FOXP2: variants seen among roughly 807,000 people sequenced by gnomAD.
FOXP2 encodes forkhead box P2, also known as forkhead box protein P2.
FOXP2 carries 12 observed loss-of-function variants against 115.8 expected under a neutral mutation model. The ratio of observed to expected loss-of-function variants is 0.10; its 90% CI spans 0.07 to 0.17. The LOEUF is 0.17. Ranked by LOEUF, FOXP2 falls within the 10% of genes least tolerant of loss-of-function variation. The pLI is 1.00. For synonymous variants in FOXP2, 328 were observed against 297.7 expected (o/e 1.10, Z -1.05); for missense variants, 629 against 843.5 (o/e 0.75, Z 3.15).
chr7:114,559,205 A>G (rs991006371), intron 3 of FOXP2, among the ~76,000 whole-genome samples: 3 of 152,128 alleles, frequency 2.0e-5, no homozygotes, highest in South Asian at 2.1e-4. Flanking sequence ...CAGGAGCACT[A>G]TGCACATCTT....
intron 2 of FOXP2, among the ~76,000 whole-genome samples, chr7:114,526,195 A>AAAT (rs1554410537): frequency 6.8e-6 from 1 of 147,040 alleles, no homozygotes; most frequent in East Asian, 2.0e-4. Flanking sequence ...AAAAAAAAAA[A>AAAT]GGGCCGGACG....
intron 2 of FOXP2, among the ~76,000 whole-genome samples, chr7:114,329,347 G>T (rs542539217): frequency 1.3e-5 from 2 of 151,864 alleles, no homozygotes; most frequent in Admixed American, 1.3e-4. Context: ...GTGAAACCTG[G>T]TCTCTACTAA....
intron 1 of FOXP2, among the ~76,000 whole-genome samples, chr7:114,101,852 G>T (rs1253696581): frequency 3.4e-5 from 5 of 148,398 alleles, no homozygotes; most frequent in African/African-American, 1.2e-4. Flanking sequence ...TCTGAGCTTT[G>T]ATTTTTCTTA....
At position 114,659,556 on chromosome 7, in the gene FOXP2, T is replaced by C; in HGVS notation, c.1546-16T>C. Reference sequence around the variant, plus strand: ...AACCATTATTTTATGTCACTATGTATCTTGTCTCATTTCAGGCTATCATGG... The same window carrying C: ...AACCATTATTTTATGTCACTATGTACCTTGTCTCATTTCAGGCTATCATGG... On this transcript the variant is annotated splice_polypyrimidine_tract_variant and intron_variant, in intron 12 of 16. Transcript: ENST00000350908. 1.2e-6 allele frequency: 2 copies of C among 1,607,740 alleles called. No individual in the cohort carries two copies. The highest frequency in any genetic ancestry group is 1.7e-6 in the Non-Finnish European group (2 of 1,174,258).
chr7:114,109,905 A>G (rs992130856), intron 1 of FOXP2, among the ~76,000 whole-genome samples: 11 of 152,112 alleles, frequency 7.2e-5, no homozygotes, highest in African/African-American at 2.7e-4. Flanking sequence ...GCTGTGGCAT[A>G]TGGTGCATTT....
chr7:114,169,710 G>T (rs765678533), intron 1 of FOXP2, among the ~76,000 whole-genome samples: 35 of 132,884 alleles, frequency 2.6e-4, no homozygotes, highest in Non-Finnish European at 8.1e-5. Context: ...GGGCTGGAAT[G>T]ATATGGTTTG....
At chr7:114,193,394 T>C (rs2129157932) in intron 1 of FOXP2, among the ~76,000 whole-genome samples, 1 of 152,058 alleles carries the variant, frequency 6.6e-6, no homozygotes, top group East Asian at 1.9e-4. Flanking sequence ...AATACATTCT[T>C]GGTTTATGTT....
intron 6 of FOXP2, among the ~76,000 whole-genome samples, chr7:114,641,760 T>C (rs1161481015): frequency 6.6e-6 from 1 of 151,920 alleles, no homozygotes; most frequent in Non-Finnish European, 1.5e-5. Flanking sequence ...AAAAGTTGAA[T>C]AGTTCAATTT....
chr7:114,426,857 C>T (rs750456729), intron 2 of FOXP2, among the ~76,000 whole-genome samples, 178 bp downstream of exon 2: 2 of 151,668 alleles, frequency 1.3e-5, no homozygotes, highest in Admixed American at 6.6e-5. Context: ...ATATTAGTTA[C>T]GTCATACCAG....
At chr7:114,182,714 A>G (rs1000391179) in intron 1 of FOXP2, among the ~76,000 whole-genome samples, 1 of 152,030 alleles carries the variant, frequency 6.6e-6, no homozygotes, top group African/African-American at 2.4e-5. Flanking sequence ...ATAGAAATAG[A>G]ATTCTTAAAA....
intron 1 of FOXP2, among the ~76,000 whole-genome samples, chr7:114,153,744 C>A (rs889162951): frequency 1.3e-5 from 2 of 151,984 alleles, no homozygotes; most frequent in African/African-American, 4.8e-5. Flanking sequence ...ATAGGCCATT[C>A]TGATTTGTAG....
chr7:114,325,770 A>G (rs541178494), intron 2 of FOXP2, among the ~76,000 whole-genome samples: 6 of 152,156 alleles, frequency 3.9e-5, no homozygotes, highest in Non-Finnish European at 5.9e-5. Flanking sequence ...ATGGGCTTCC[A>G]TCTATCTTTG....
At chr7:114,498,977 C>A in intron 2 of FOXP2, 1 of 716,874 alleles carries the variant, frequency 1.4e-6, no homozygotes, top group South Asian at 1.5e-5. Context: ...AAGTGTGAGT[C>A]CTGGACCAGC....
Position 114,689,879 on chromosome 7 carries a change from G to A in FOXP2, c.2101G>A (p.Asp701Asn), listed in dbSNP as rs1397056325. 3 of 1,613,462 alleles carry A rather than the reference G, an allele frequency of 1.9e-6. No individual in the cohort carries two copies. In the African/African-American group the frequency reaches 4.0e-5, roughly 22 times the overall value. ...AGCTAATCACAGTCCAGAATTAGAA[G>A]ACGACAGAGAGATTGAAGAAGAGCC... ...TTANHSPELEDDREIEEEPLS... is the reference protein window; with the variant it reads ...TTANHSPELENDREIEEEPLS... The change falls in exon 17 of 17, where the codon GAC becomes AAC. Residue 701 changes from aspartate to asparagine, a missense_variant. Physicochemically the swap from Asp to Asn is conservative, Grantham distance 23. Around this residue, in one of 9 missense-constraint regions of FOXP2, gnomAD observed 117 missense variants for 112.3 expected, o/e 1.04. Coordinates refer to ENST00000350908, the MANE Select transcript of FOXP2 (RefSeq NM_014491.4).
chr7:114,542,516 C>G (rs1447153334), intron 3 of FOXP2, among the ~76,000 whole-genome samples: 2 of 152,070 alleles, frequency 1.3e-5, no homozygotes, highest in Admixed American at 1.3e-4. Context: ...TGCTAGAAAT[C>G]TCCTGTTATG....
upstream of FOXP2, among the ~76,000 whole-genome samples, chr7:114,086,872 A>G (rs1187241174): frequency 6.6e-6 from 1 of 152,168 alleles, no homozygotes; most frequent in East Asian, 1.9e-4. Flanking sequence ...TGATGGGGGA[A>G]AAAGGGGTGG....
At chr7:114,274,255 A>C (rs940294888) in intron 1 of FOXP2, among the ~76,000 whole-genome samples, 2 of 152,150 alleles carry the variant, frequency 1.3e-5, no homozygotes, top group Non-Finnish European at 2.9e-5. Context: ...CAATTTGCTT[A>C]TATATAAGCA....
chr7:114,554,437 A>T (rs554295332), intron 3 of FOXP2, among the ~76,000 whole-genome samples: 1 of 152,296 alleles, frequency 6.6e-6, no homozygotes, highest in East Asian at 1.9e-4. Context: ...TGGCTAATGA[A>T]ACTTGGTTCT....
chr7:114,163,381 G>A (rs1792890780), intron 1 of FOXP2, among the ~76,000 whole-genome samples: 1 of 152,016 alleles, frequency 6.6e-6, no homozygotes, highest in African/African-American at 2.4e-5. Flanking sequence ...AATTTCCTTT[G>A]ATATAGTATC....
Sources: allele counts gnomAD v4.1 joint callset (sites outside exome capture counted in the v4.1 genomes callset), GRCh38; gene constraint gnomAD v4.1.1; regional missense constraint gnomAD v4.1.1; transcripts MANE v1.5; gene names NCBI Gene and HGNC (gene_info 2026-07-23, HGNC 2026-07-21).